Variants in HINFP observed in about 807,000 individuals in gnomAD.
HINFP encodes the protein MBD2 (methyl-CpG-binding protein)-interacting zinc finger protein.
In HINFP, 20 loss-of-function variants were observed where a neutral mutation model predicts 50.1. The ratio of observed to expected loss-of-function variants is 0.40; its 90% CI spans 0.28 to 0.58. The LOEUF (loss-of-function observed/expected upper bound fraction) is 0.58, where lower values mean the gene tolerates loss of function less well. HINFP is among the 20% of genes least tolerant of loss of function. The pLI is 0.45. For missense variants in HINFP, 505 were observed against 664.1 expected (o/e 0.76, Z 2.63); for synonymous variants, 247 against 243.7 (o/e 1.01, Z -0.13).
chr11:119,133,287 A>ATTTCCC, intron 9 of HINFP, 68 bp downstream of exon 9: 1 of 1,593,544 alleles, frequency 6.3e-7, no homozygotes. Context: ...CAGTTTTAAA[A>ATTTCCC]ACCTTAATTT....
intron 3 of HINFP, 34 bp downstream of exon 3, chr11:119,130,988 G>C (rs1322486550): frequency 3.2e-6 from 5 of 1,558,036 alleles, no homozygotes; most frequent in Non-Finnish European, 4.4e-6. Flanking sequence ...GGGGTGGAAG[G>C]AAGCTGGGGG....
At chr11:119,123,207 G>T (rs972722261) in intron 1 of HINFP, among the ~76,000 whole-genome samples, 10 of 146,192 alleles carry the variant, frequency 6.8e-5, no homozygotes, top group Non-Finnish European at 1.4e-4. Context: ...AGACAAAGAT[G>T]ATTGAATCAG....
At position 119,132,959 on chromosome 11, in the gene HINFP, G is replaced by A. The variant is rs1459111063; in HGVS notation, c.971G>A (p.Arg324Gln). Reference sequence around the variant, plus strand: ...TTTGAGAACTGCACCTTCAGTGCCCGATCCCTCTGCTCTATCAAGTCCCAT... The same window carrying A: ...TTTGAGAACTGCACCTTCAGTGCCCAATCCCTCTGCTCTATCAAGTCCCAT... ...CDFENCTFSARSLCSIKSHYR... is the reference protein window; with the variant it reads ...CDFENCTFSAQSLCSIKSHYR... Residue 324 changes from arginine to glutamine, a missense_variant, in exon 8 of 10, where the codon CGA (arginine) becomes CAA (glutamine). Transcript: ENST00000350777. 7.4e-6 allele frequency: 12 copies of A among 1,614,098 alleles called. No homozygotes were observed. Among genetic ancestry groups the A allele is most frequent in the East Asian group, 2.2e-5 (1 of 44,900 alleles).
chr11:119,129,574 C>T (rs1321326299), intron 2 of HINFP, among the ~76,000 whole-genome samples: 1 of 151,034 alleles, frequency 6.6e-6, no homozygotes, highest in Non-Finnish European at 1.5e-5. Context: ...CACTCTCCTG[C>T]CTCAGCCTCC....
Position 119,134,282 on chromosome 11 carries a change from G to C in HINFP, c.1338G>C (p.Lys446Asn). ...PGRKEEEEEG[K>N]GSEGTALSAS... The stretch of plus-strand genomic sequence containing the variant: ...GTAAGGAAGAGGAAGAGGAGGGCAA[G>C]GGTAGCGAAGGGACAGCCCTCTCAG... The change falls in exon 10 of 10, where the codon AAG becomes AAC. Residue 446 changes from lysine (K) to asparagine (N), a missense_variant. Physicochemically the swap from Lys to Asn is moderately conservative, Grantham distance 94. Coordinates refer to ENST00000350777, the MANE Select transcript of HINFP (RefSeq NM_198971.3). This position sits in a 1 kb window ranked among gnomAD's most constrained non-coding sequence, Gnocchi z 4.3. 1 of 1,614,084 alleles carries C rather than the reference G, an allele frequency of 6.2e-7. No homozygotes were observed. The highest frequency in any genetic ancestry group is 2.2e-5 in the East Asian group (1 of 44,880).
At chr11:119,130,306 T>G in intron 2 of HINFP, 1 of 219,228 alleles carries the variant, frequency 4.6e-6, no homozygotes, top group South Asian at 6.5e-5. Context: ...TTCACCTATT[T>G]ACAGATACTC....
At chr11:119,126,725 G>A in intron 1 of HINFP, 2 of 515,794 alleles carry the variant, frequency 3.9e-6, no homozygotes, top group Non-Finnish European at 3.4e-6. Flanking sequence ...ACACTCAATA[G>A]TGTTAGTTTT....
chr11:119,132,048 T>G, intron 5 of HINFP, 66 bp downstream of exon 5: 1 of 1,578,922 alleles, frequency 6.3e-7, no homozygotes, highest in African/African-American at 1.3e-5. Context: ...GGGGCATGTT[T>G]CTAGTGGGGG....
In HINFP at chr11:119,131,700, G is replaced by A; in HGVS notation, c.523+54G>A. The A allele has an allele frequency of 6.3e-7, 1 of 1,592,268 alleles. No homozygotes were observed. The highest frequency in any genetic ancestry group is 1.1e-5 in the South Asian group (1 of 90,564). ...TGGAGGAAACGCTGGGGTTCCTGAA[G>A]AGCTGGGACAGAAAGGGATAGGGGT... On this transcript the variant is annotated intron_variant, in intron 4 of 9. Transcript: ENST00000350777. This position sits in a 1 kb window ranked among gnomAD's most constrained non-coding sequence, Gnocchi z 4.2.
rs1373122728 is a variant in HINFP, at chr11:119,122,445, TA to T, written c.-11+807del. ...TATAGTCCAATTGGGTAAACGAGAC[TA>T]GAACACATAAAACGACCATGGCAAC... On this transcript the variant is annotated intron_variant, in intron 1 of 9. Coordinates refer to ENST00000350777, the MANE Select transcript of HINFP (RefSeq NM_198971.3). Among the ~76,000 whole-genome samples the T allele has an allele frequency of 1.2e-4, 18 of 152,272 alleles. No homozygotes were observed. The East Asian group carries it at 3.5e-3, about 29-fold the overall frequency.
At position 119,134,842 on chromosome 11, in the gene HINFP, T is replaced by C. The variant is rs1381982168; in HGVS notation, c.*344T>C. ...TCACATCCATTCCCATCTTTCGGGC[T>C]CCTTAGGCCCAAGGATGGCATGTGA... On this transcript the variant is annotated 3_prime_UTR_variant, in exon 10 of 10. Coordinates refer to ENST00000350777, the MANE Select transcript of HINFP (RefSeq NM_198971.3). The surrounding 1 kb of genome is among the most constrained non-coding windows in gnomAD (Gnocchi z 4.3). 3 of 193,664 alleles carry C rather than the reference T, an allele frequency of 1.5e-5. No individual in the cohort carries two copies. The highest frequency in any genetic ancestry group is 3.2e-5 in the Non-Finnish European group (3 of 92,832). 12.0% of individuals were successfully genotyped at this position (193,664 alleles called of 1,614,324 possible). A position where few individuals can be genotyped will look rare whatever the true frequency, so the allele number is the denominator to read the frequency against.
rs758398321 is a variant in HINFP, at chr11:119,131,302, C to T, written c.412-233C>T. ...CAAGGTCTGGGTGTGTTGCCCAGGC[C>T]GGTCTCGAACTCTTGGCCTCAAGTG... is the stretch of plus-strand genomic sequence containing the variant. On this transcript the variant is annotated intron_variant, in intron 3 of 9. Transcript: ENST00000350777. This position sits in a 1 kb window ranked among gnomAD's most constrained non-coding sequence, Gnocchi z 4.2. 8.7e-6 allele frequency: 5 copies of T among 573,996 alleles called. No individual in the cohort carries two copies. Among genetic ancestry groups the T allele is most frequent in the South Asian group, 3.8e-5 (2 of 52,512 alleles). The allele number at this position is 573,996 out of a possible 1,614,324, so 35.6% of individuals were successfully genotyped here.
In HINFP at chr11:119,134,375, G is replaced by A; in HGVS notation, c.1431G>A (p.Glu477=). The A allele has an allele frequency of 6.2e-7, 1 of 1,614,188 alleles. No homozygotes were observed. The highest frequency in any genetic ancestry group is 8.5e-7 in the Non-Finnish European group (1 of 1,180,002). Residue 477 remains glutamate, a synonymous_variant, in exon 10 of 10, where the codon GAG becomes GAA. Transcript: ENST00000350777. The surrounding 1 kb of genome is among the most constrained non-coding windows in gnomAD (Gnocchi z 4.3). ...AGACCAATGCCCAAGGCCAGCAAGA[G>A]ATCGTCTACTATGTGCTGTCTGAAG... is the stretch of plus-strand genomic sequence containing the variant. ...VNQTNAQGQQ[E]IVYYVLSEAP...
Position 119,133,218 on chromosome 11 carries a change from C to G in HINFP, c.1138C>G (p.Arg380Gly). ...GTGGCCCTCAGGGCATCCCCGTTTT[C>G]GGTATGTCTCTCAACCCTCCTTCCC... ...FKWPSGHPRF[R>G]YKEHEDGYMR... Residue 380 changes from arginine (R) to glycine (G), a missense_variant and splice_region_variant, in exon 9 of 10, where the codon CGG (arginine) becomes GGG (glycine). Coordinates refer to ENST00000350777, the MANE Select transcript of HINFP (RefSeq NM_198971.3). 2 of 1,613,926 alleles carry G rather than the reference C, an allele frequency of 1.2e-6. No individual in the cohort carries two copies. The highest frequency in any genetic ancestry group is 4.5e-5 in the East Asian group (2 of 44,884).
Position 119,131,503 on chromosome 11 carries a change from T to G in HINFP, c.412-32T>G. On this transcript the variant is annotated intron_variant, in intron 3 of 9. Transcript: ENST00000350777. The surrounding 1 kb of genome is among the most constrained non-coding windows in gnomAD (Gnocchi z 4.2). ...TAGGGGTGAGTCCCTCTACCCACCC[T>G]CAGTCCTCACCCCAAGTTGCCCCTG... 2.0e-6 allele frequency: 3 copies of G among 1,471,668 alleles called. No homozygotes were observed. The highest frequency in any genetic ancestry group is 2.9e-6 in the Non-Finnish European group (3 of 1,049,786). The allele number at this position is 1,471,668 out of a possible 1,614,324, so 91.2% of individuals were successfully genotyped here. A position where few individuals can be genotyped will look rare whatever the true frequency, so the allele number is the denominator to read the frequency against.
intron 2 of HINFP, 31 bp downstream of exon 2, chr11:119,127,156 G>A (rs1308981688): frequency 2.6e-6 from 4 of 1,542,386 alleles, no homozygotes; most frequent in Admixed American, 2.0e-5. Context: ...AAGGGGAGGA[G>A]CTCAAGGAAA....
Position 119,131,344 on chromosome 11 carries a change from C to CTT in HINFP, c.412-190_412-189insTT. 1 of 609,126 alleles carries CTT rather than the reference C, an allele frequency of 1.6e-6. No homozygotes were observed. The highest frequency in any genetic ancestry group is 3.0e-6 in the Non-Finnish European group (1 of 335,482). 37.7% of individuals were successfully genotyped at this position (609,126 alleles called of 1,614,324 possible). A position where few individuals can be genotyped will look rare whatever the true frequency, so the allele number is the denominator to read the frequency against. On this transcript the variant is annotated intron_variant, in intron 3 of 9. Coordinates refer to ENST00000350777, the MANE Select transcript of HINFP (RefSeq NM_198971.3). This position sits in a 1 kb window ranked among gnomAD's most constrained non-coding sequence, Gnocchi z 4.2. ...CCTCAAGTGATTCTCCTGCCTCAGC[C>CTT]TCTCAAAGTGCTGGGATTACAGGGT... is the stretch of plus-strand genomic sequence containing the variant.
intron 2 of HINFP, 105 bp downstream of exon 2, chr11:119,127,230 T>C: frequency 5.4e-6 from 5 of 927,838 alleles, no homozygotes; most frequent in South Asian, 2.0e-5. Context: ...GGTGGTTTAT[T>C]TTCCTAATTG....
At chr11:119,126,714 C>T (rs906042109) in intron 1 of HINFP, 3 of 463,846 alleles carry the variant, frequency 6.5e-6, no homozygotes, top group Non-Finnish European at 7.7e-6. Context: ...GTGCCTGGCA[C>T]ACACTCAATA....
Sources: allele counts gnomAD v4.1 joint callset (sites outside exome capture counted in the v4.1 genomes callset), GRCh38; gene constraint gnomAD v4.1.1; non-coding constraint Gnocchi (gnomAD v3.1); transcripts MANE v1.5; gene names NCBI Gene and HGNC (gene_info 2026-07-23, HGNC 2026-07-21).